VWA5B1: variants seen among roughly 807,000 people sequenced by gnomAD.
VWA5B1 encodes the protein von Willebrand factor A domain-containing protein 5B1.
A neutral mutation model predicts 118.2 loss-of-function variants in VWA5B1; 115 were observed. The observed-to-expected ratio is 0.97, with a 90% CI of 0.84 to 1.14. The LOEUF is 1.14. Among genes scored for constraint, VWA5B1 ranks in the 50% most tolerant of loss-of-function variants. VWA5B1 has a pLI of 0.00. For synonymous variants in VWA5B1, 682 were observed against 658.4 expected (o/e 1.04, Z -0.55); for missense variants, 1,596 against 1,603.8 (o/e 1.00, Z 0.08).
At chr1:20,326,606 C>G (rs866520391) in intron 8 of VWA5B1, among the ~76,000 whole-genome samples, 4 of 152,136 alleles carry the variant, frequency 2.6e-5, no homozygotes, top group African/African-American at 7.2e-5. Context: ...GCTGGGATTA[C>G]AGGCGTGTAC....
At chr1:20,291,331 C>T (rs1482572403) in intron 1 of VWA5B1, among the ~76,000 whole-genome samples, 1 of 139,646 alleles carries the variant, frequency 7.2e-6, no homozygotes, top group Non-Finnish European at 1.5e-5. Flanking sequence ...AGGTCCAGCT[C>T]TCTCTCTCTC....
intron 1 of VWA5B1, among the ~76,000 whole-genome samples, chr1:20,298,203 C>T (rs2100800103): frequency 6.6e-6 from 1 of 151,518 alleles, no homozygotes; most frequent in Middle Eastern, 3.4e-3. Flanking sequence ...AGAAATGGTC[C>T]CTCTATGTTG....
chr1:20,317,581 G>T lies in VWA5B1; in HGVS notation c.615G>T (p.Leu205Phe). ...GGGCCCCGGGCTCCTGGAATAAGTTGTGCCTGGCGACTCTCCTGAACACCG... is the reference window on the plus strand; with the variant it reads ...GGGCCCCGGGCTCCTGGAATAAGTTTTGCCTGGCGACTCTCCTGAACACCG... ...GAWAPGSWNK[L>F]CLATLLNTEV... Residue 205 changes from leucine to phenylalanine, a missense_variant, in exon 5 of 22, where the codon TTG becomes TTT. Transcript: ENST00000289815. 6.4e-7 allele frequency: 1 copy of T among 1,551,844 alleles called. No individual in the cohort carries two copies. The highest frequency in any genetic ancestry group is 1.2e-5 in the South Asian group (1 of 84,060).
At position 20,317,712 on chromosome 1, in the gene VWA5B1, C is replaced by T. The variant is rs753131370; in HGVS notation, c.709+37C>T. On this transcript the variant is annotated intron_variant, in intron 5 of 21. Coordinates refer to ENST00000289815, the MANE Select transcript of VWA5B1 (RefSeq NM_001039500.3). ...ACATCCAGACGGGATGGGTGAGCTT[C>T]AGGCGAAAAGCCAAAGGCTGCCAGG... is the stretch of plus-strand genomic sequence containing the variant. 5.3e-6 allele frequency: 8 copies of T among 1,523,682 alleles called. No individual in the cohort carries two copies. The South Asian group carries it at 9.9e-5, about 19-fold the overall frequency. The allele number at this position is 1,523,682 out of a possible 1,614,324, so 94.4% of individuals were successfully genotyped here. A position where few individuals can be genotyped will look rare whatever the true frequency, so the allele number is the denominator to read the frequency against.
In VWA5B1 at chr1:20,348,232, G is replaced by T; in HGVS notation, c.2765-13G>T. On this transcript the variant is annotated splice_polypyrimidine_tract_variant and intron_variant, in intron 17 of 21. Coordinates refer to ENST00000289815, the MANE Select transcript of VWA5B1 (RefSeq NM_001039500.3). Reference sequence around the variant, plus strand: ...TGTACCCAACCACCCGCTTCCCCTTGTCTTCCGCGAAGGAGCTGCCCTGCG... The same window carrying T: ...TGTACCCAACCACCCGCTTCCCCTTTTCTTCCGCGAAGGAGCTGCCCTGCG... 1.3e-6 allele frequency: 2 copies of T among 1,551,142 alleles called. No individual in the cohort carries two copies. Among genetic ancestry groups the T allele is most frequent in the Non-Finnish European group, 1.7e-6 (2 of 1,146,642 alleles).
At chr1:20,328,487 C>T (rs1263562698) in intron 9 of VWA5B1, among the ~76,000 whole-genome samples, 2 of 151,520 alleles carry the variant, frequency 1.3e-5, no homozygotes, top group Admixed American at 6.6e-5. Flanking sequence ...GCCCCAGCAG[C>T]GTGTTCAAAA....
At chr1:20,324,586 C>T (rs922864661) in intron 8 of VWA5B1, among the ~76,000 whole-genome samples, 1 of 152,118 alleles carries the variant, frequency 6.6e-6, no homozygotes, top group Non-Finnish European at 1.5e-5. Flanking sequence ...TAAAGGATAA[C>T]TGAGTTCAGG....
chr1:20,337,759 C>A lies in VWA5B1; in HGVS notation c.2056C>A (p.Pro686Thr), dbSNP rs770993851. 1 of 1,551,734 alleles carries A rather than the reference C, an allele frequency of 6.4e-7. No homozygotes were observed. Among genetic ancestry groups the A allele is most frequent in the Non-Finnish European group, 8.7e-7 (1 of 1,147,004 alleles). Reference sequence around the variant, plus strand: ...CCCCATGCCAGCTGCCAAGAGATACCCACTGCGGAAAGCCAGGCTGCAGGA... The same window carrying A: ...CCCCATGCCAGCTGCCAAGAGATACACACTGCGGAAAGCCAGGCTGCAGGA... ...SDPMPAAKRYPLRKARLQDLT... is the reference protein window; with the variant it reads ...SDPMPAAKRYTLRKARLQDLT... Residue 686 changes from proline to threonine, a missense_variant, in exon 14 of 22, where the codon CCA becomes ACA. Transcript: ENST00000289815.
chr1:20,317,297 C>T (rs759994023), intron 4 of VWA5B1, among the ~76,000 whole-genome samples: 4 of 152,096 alleles, frequency 2.6e-5, no homozygotes, highest in Admixed American at 6.6e-5. Flanking sequence ...AGCTACCCAT[C>T]GGGAGCACCG....
At chr1:20,342,956 G>A in intron 15 of VWA5B1, 123 bp from the exon 16 acceptor site, 2 of 1,434,858 alleles carry the variant, frequency 1.4e-6, no homozygotes, top group Non-Finnish European at 1.8e-6. Context: ...CTGTTCCCTG[G>A]GGAGATGGAG....
At chr1:20,344,078 C>T (rs900292496) in intron 16 of VWA5B1, among the ~76,000 whole-genome samples, 1 of 150,096 alleles carries the variant, frequency 6.7e-6, no homozygotes, top group Non-Finnish European at 1.5e-5. Flanking sequence ...GTCCACCCAC[C>T]AACACACGCA....
chr1:20,354,433 C>A lies in VWA5B1; in HGVS notation c.*170C>A. On this transcript the variant is annotated 3_prime_UTR_variant, in exon 22 of 22. Coordinates refer to ENST00000289815, the MANE Select transcript of VWA5B1 (RefSeq NM_001039500.3). Reference sequence around the variant, plus strand: ...CTGAGTTCAATCCCAACTTTGCTACCATCCAGCCATGCAACTTTAGGCCAG... The same window carrying A: ...CTGAGTTCAATCCCAACTTTGCTACAATCCAGCCATGCAACTTTAGGCCAG... 2.4e-6 allele frequency: 2 copies of A among 842,784 alleles called. No individual in the cohort carries two copies. Among genetic ancestry groups the A allele is most frequent in the Non-Finnish European group, 3.6e-6 (2 of 561,428 alleles). 52.2% of individuals were successfully genotyped at this position (842,784 alleles called of 1,614,324 possible).
rs753893071 is a variant in VWA5B1, at chr1:20,330,864, G to C, written c.1458-5G>C. The C allele has an allele frequency of 6.4e-7, 1 of 1,551,472 alleles. No individual in the cohort carries two copies. The highest frequency in any genetic ancestry group is 8.7e-7 in the Non-Finnish European group (1 of 1,146,810). On this transcript the variant is annotated splice_polypyrimidine_tract_variant and splice_region_variant and intron_variant, in intron 10 of 21. Transcript: ENST00000289815. ...ATAGCAGCCTCTCTTCTCCCTTTCC[G>C]CCAGGTGCTATAGCTTTGGAATTGG... is the stretch of plus-strand genomic sequence containing the variant.
rs1182303891 is a variant in VWA5B1, at chr1:20,357,580, A to G, written c.*3317A>G. Among the ~76,000 whole-genome samples, 1 of 152,208 alleles carries G rather than the reference A, an allele frequency of 6.6e-6. No homozygotes were observed. Among genetic ancestry groups the G allele is most frequent in the Non-Finnish European group, 1.5e-5 (1 of 68,030 alleles). ...TTCAGAAAGCCTTTACTGGGTGCCTACTGTATGCCAGGCATGGCATACTGG... is the reference window on the plus strand; with the variant it reads ...TTCAGAAAGCCTTTACTGGGTGCCTGCTGTATGCCAGGCATGGCATACTGG... On this transcript the variant is annotated 3_prime_UTR_variant, in exon 22 of 22. Coordinates refer to ENST00000289815, the MANE Select transcript of VWA5B1 (RefSeq NM_001039500.3).
chr1:20,331,110 G>A (rs1403429486), intron 11 of VWA5B1, 127 bp downstream of exon 11: 4 of 737,458 alleles, frequency 5.4e-6, no homozygotes, highest in Non-Finnish European at 8.8e-6. Flanking sequence ...AGGCCACACT[G>A]CATCCCAATG....
Position 20,293,452 on chromosome 1 carries a change from G to A in VWA5B1, c.-27+2364G>A, listed in dbSNP as rs561002382. 3.9e-5 allele frequency among the ~76,000 whole-genome samples: 6 copies of A among 152,296 alleles called. No individual in the cohort carries two copies. The South Asian group carries it at 8.3e-4, about 21-fold the overall frequency. On this transcript the variant is annotated intron_variant, in intron 1 of 21. Coordinates refer to ENST00000289815, the MANE Select transcript of VWA5B1 (RefSeq NM_001039500.3). ...AGGCCACTGGCCTGGGCTCCTTTTC[G>A]GATACCGGTTGTCCTCTCTGCTAAA...
At chr1:20,293,191 C>T (rs977987808) in intron 1 of VWA5B1, among the ~76,000 whole-genome samples, 1 of 152,238 alleles carries the variant, frequency 6.6e-6, no homozygotes, top group Admixed American at 6.5e-5. Flanking sequence ...CCCCTACTCA[C>T]CTGGCAGCCC....
In VWA5B1 at chr1:20,348,275, C is replaced by T. The variant is rs1353098012; in HGVS notation, c.2795C>T (p.Ala932Val). ...GCCCTGCGTATGCTTGGCTCTCGGG[C>T]CCTGGCCCAACAGTGGAGGGGCACC... ...GAALRMLGSR[A>V]LAQQWRGTSS... The change falls in exon 18 of 22, where the codon GCC becomes GTC. Residue 932 changes from alanine to valine, a missense_variant. By Grantham distance (64) the Ala-to-Val change is moderately conservative (BLOSUM62 0). Transcript: ENST00000289815. The T allele has an allele frequency of 1.9e-6, 3 of 1,551,582 alleles. No individual in the cohort carries two copies. The highest frequency in any genetic ancestry group is 1.4e-5 in the African/African-American group (1 of 73,046).
At chr1:20,325,272 T>C (rs2089343282) in intron 8 of VWA5B1, among the ~76,000 whole-genome samples, 1 of 152,242 alleles carries the variant, frequency 6.6e-6, no homozygotes. Context: ...CATGGCATCA[T>C]GCCAAAAGCA....
Sources: allele counts gnomAD v4.1 joint callset (sites outside exome capture counted in the v4.1 genomes callset), GRCh38; gene constraint gnomAD v4.1.1; transcripts MANE v1.5; gene names NCBI Gene and HGNC (gene_info 2026-07-23, HGNC 2026-07-21).